ABCB1: variants seen among roughly 807,000 people sequenced by gnomAD.
The protein encoded by ABCB1 is ATP binding cassette subfamily B member 1, also known as ATP-dependent translocase ABCB1.
A neutral mutation model predicts 142.0 loss-of-function variants in ABCB1; 69 were observed. The observed-to-expected ratio is 0.49, with a 90% CI of 0.40 to 0.59. The LOEUF (loss-of-function observed/expected upper bound fraction) is 0.59. Ranked by LOEUF, ABCB1 falls within the 20% of genes least tolerant of loss-of-function variation. ABCB1 has a pLI of 0.00. For synonymous variants in ABCB1, 532 were observed against 539.2 expected (o/e 0.99, Z 0.18); for missense variants, 1,326 against 1,554.7 (o/e 0.85, Z 2.47).
rs1563051966 is a variant in ABCB1 at position 87,558,789 on chromosome 7, T to G, written c.827+2474A>C. Among the ~76,000 whole-genome samples, 3 of 152,178 alleles carry G rather than the reference T, an allele frequency of 2.0e-5. No individual in the cohort carries two copies. In the East Asian group the frequency reaches 5.8e-4, roughly 29 times the overall value. ...TTCCTAGTTTTACGAGTTTTTGTCA[T>G]GAATCATATATAATTCATGCTTTTC... is the stretch of plus-strand genomic sequence containing the variant. On this transcript the variant is annotated intron_variant, in intron 8 of 27. Transcript: ENST00000622132.
intron 4 of ABCB1, among the ~76,000 whole-genome samples, chr7:87,584,960 CA>C (rs1563063696): frequency 1.7e-4 from 25 of 147,866 alleles, no homozygotes; most frequent in East Asian, 1.4e-3. Context: ...TACCCCCCCA[CA>C]CACACACACA....
At chr7:87,707,044 A>G (rs1829661259) in intron 1 of ABCB1, among the ~76,000 whole-genome samples, 1 of 152,140 alleles carries the variant, frequency 6.6e-6, no homozygotes, top group Non-Finnish European at 1.5e-5. Flanking sequence ...CAGAAGATTA[A>G]TACAAAAAAA....
upstream of ABCB1, among the ~76,000 whole-genome samples, chr7:87,603,901 G>A (rs748863492): frequency 3.9e-5 from 6 of 152,144 alleles, no homozygotes; most frequent in African/African-American, 1.2e-4. Context: ...AGTGATTTGT[G>A]TATTTAAAAG....
At position 87,585,594 on chromosome 7, in the gene ABCB1, C is replaced by A; in HGVS notation, c.204G>T (p.Met68Ile). The change falls in exon 4 of 28, where the codon ATG becomes ATT. Residue 68 changes from methionine (M) to isoleucine (I), a missense_variant. Met to Ile is a conservative substitution (Grantham distance 10, BLOSUM62 1). Transcript: ENST00000622132. ...CTGTCATTTCTCCAAACACCAGCAT[C>A]ATGAGAGGAAGTCCAGCCCCATGGA... ...AIIHGAGLPL[M>I]MLVFGEMTDI... 5.0e-6 allele frequency: 8 copies of A among 1,613,996 alleles called. No homozygotes were observed. Among genetic ancestry groups the A allele is most frequent in the Non-Finnish European group, 6.8e-6 (8 of 1,179,918 alleles).
At chr7:87,607,164 A>G (rs1006919724) in intron 1 of ABCB1, among the ~76,000 whole-genome samples, 5 of 152,300 alleles carry the variant, frequency 3.3e-5, no homozygotes, top group East Asian at 3.9e-4. Flanking sequence ...AACTGTCTAT[A>G]TAAGTTGGAT....
chr7:87,630,050 T>G (rs796593137), intron 1 of ABCB1, among the ~76,000 whole-genome samples: 1 of 152,304 alleles, frequency 6.6e-6, no homozygotes, highest in African/African-American at 2.4e-5. Context: ...AAGCATCAAT[T>G]TCTTAGGAAC....
At position 87,531,592 on chromosome 7, in the gene ABCB1, C is replaced by T. The variant is rs912428965; in HGVS notation, c.2482-95G>A. 4 of 1,156,182 alleles carry T rather than the reference C, an allele frequency of 3.5e-6. No homozygotes were observed. The African/African-American group carries it at 6.2e-5, about 18-fold the overall frequency. 71.6% of individuals were successfully genotyped at this position (1,156,182 alleles called of 1,614,324 possible). On this transcript the variant is annotated intron_variant, in intron 20 of 27. Transcript: ENST00000622132. ...AAACTCACCTTCATGAGACTATATTCATTATTTTATCAGTAATGAACTAAA... is the reference window on the plus strand; with the variant it reads ...AAACTCACCTTCATGAGACTATATTTATTATTTTATCAGTAATGAACTAAA...
intron 7 of ABCB1, among the ~76,000 whole-genome samples, chr7:87,565,791 T>G (rs1332886093): frequency 6.6e-6 from 1 of 152,180 alleles, no homozygotes; most frequent in African/African-American, 2.4e-5. Context: ...GTTTGTTTAC[T>G]TGCTCGTTTT....
chr7:87,667,961 C>G (rs1249574867), intron 1 of ABCB1, among the ~76,000 whole-genome samples: 22 of 151,866 alleles, frequency 1.4e-4, no homozygotes, highest in Admixed American at 1.4e-3. Context: ...TTTGTTGTGT[C>G]TCTTCCAGGT....
At chr7:87,546,149 G>T in intron 14 of ABCB1, 125 bp from the exon 15 acceptor site, 1 of 866,976 alleles carries the variant, frequency 1.2e-6, no homozygotes, top group Non-Finnish European at 1.8e-6. Flanking sequence ...ATATAAGATA[G>T]CCTCTGACTT....
At position 87,691,588 on chromosome 7, in the gene ABCB1, C is replaced by G. The variant is rs565980446; in HGVS notation, c.-331+21573G>C. On this transcript the variant is annotated intron_variant, in intron 1 of 28. Transcript: ENST00000265724. ...TAAGAACCCCTTCTACAAACAAGCC[C>G]TGGGCCACTTTGAAATAATGTGAGC... Among the ~76,000 whole-genome samples, 8 of 152,252 alleles carry G rather than the reference C, an allele frequency of 5.3e-5. No homozygotes were observed. The East Asian group carries it at 1.5e-3, about 29-fold the overall frequency.
Position 87,504,420 on chromosome 7 carries a change from T to C in ABCB1, c.3666A>G (p.Arg1222=). 6.2e-7 allele frequency: 1 copy of C among 1,614,144 alleles called. No individual in the cohort carries two copies. Among genetic ancestry groups the C allele is most frequent in the Non-Finnish European group, 8.5e-7 (1 of 1,179,988 alleles). The part of the protein sequence containing the change: ...KVVQEALDKA[R]EGRTCIVIAH... ...CAATCACAATGCAGGTGCGGCCTTCTCTGGCTTTGTCCAGGGCTTCTTGGA... is the reference window on the plus strand; with the variant it reads ...CAATCACAATGCAGGTGCGGCCTTCCCTGGCTTTGTCCAGGGCTTCTTGGA... The change falls in exon 28 of 28, where the codon AGA becomes AGG. Residue 1222 remains arginine, a synonymous_variant. Coordinates refer to ENST00000622132, the MANE Select transcript of ABCB1 (RefSeq NM_001348946.2).
At chr7:87,632,974 G>A (rs184200646) in intron 1 of ABCB1, among the ~76,000 whole-genome samples, 4 of 152,310 alleles carry the variant, frequency 2.6e-5, no homozygotes, top group Admixed American at 2.0e-4. Flanking sequence ...AAGGAGTAGT[G>A]TGATAAGCAC....
At chr7:87,553,270 C>A (rs1445695062) in intron 9 of ABCB1, among the ~76,000 whole-genome samples, 1 of 147,474 alleles carries the variant, frequency 6.8e-6, no homozygotes, top group Non-Finnish European at 1.5e-5. Flanking sequence ...AACAAACAAG[C>A]AAATAAAAGA....
At chr7:87,586,818 A>G (rs2129932640) in intron 3 of ABCB1, among the ~76,000 whole-genome samples, 1 of 152,324 alleles carries the variant, frequency 6.6e-6, no homozygotes, top group Non-Finnish European at 1.5e-5. Context: ...ACCAGTAATG[A>G]ATGGCAGTCC....
intron 1 of ABCB1, chr7:87,628,716 A>G (rs1341958603): frequency 3.0e-6 from 2 of 657,332 alleles, no homozygotes; most frequent in African/African-American, 1.9e-5. Context: ...CCTTTCCTAC[A>G]TCCTTCCCGC....
intron 3 of ABCB1, among the ~76,000 whole-genome samples, chr7:87,587,465 C>A (rs1262637087): frequency 6.6e-6 from 1 of 152,202 alleles, no homozygotes; most frequent in East Asian, 1.9e-4. Context: ...GCTCTGCATG[C>A]TTTGACAGTA....
At chr7:87,513,765 A>T (rs1815116616) in intron 25 of ABCB1, among the ~76,000 whole-genome samples, 2 of 152,154 alleles carry the variant, frequency 1.3e-5, no homozygotes, top group African/African-American at 4.8e-5. Flanking sequence ...AACTCACAAA[A>T]CTATATGCCC....
chr7:87,559,892 T>G (rs551516807), intron 8 of ABCB1, among the ~76,000 whole-genome samples: 82 of 152,302 alleles, frequency 5.4e-4, no homozygotes, highest in Non-Finnish European at 1.0e-3. Context: ...GGCATATTAT[T>G]TTTCTGGTCC....
Sources: allele counts gnomAD v4.1 joint callset (sites outside exome capture counted in the v4.1 genomes callset), GRCh38; gene constraint gnomAD v4.1.1; transcripts MANE v1.5; gene names NCBI Gene and HGNC (gene_info 2026-07-23, HGNC 2026-07-21).